Variants in CAMTA1 observed in about 807,000 individuals in gnomAD.
The protein encoded by CAMTA1 is calmodulin binding transcription activator 1.
A neutral mutation model predicts 170.9 loss-of-function variants in CAMTA1; 27 were observed. The ratio of observed to expected loss-of-function variants is 0.16; its 90% CI spans 0.12 to 0.22. The LOEUF (loss-of-function observed/expected upper bound fraction) is 0.22. CAMTA1 is among the 10% of genes least tolerant of loss of function. CAMTA1 has a pLI of 1.00. For synonymous variants in CAMTA1, 833 were observed against 891.5 expected (o/e 0.93, Z 1.17); for missense variants, 1,619 against 2,217.2 (o/e 0.73, Z 5.42).
rs1245242166 is a variant in CAMTA1, at chr1:7,065,741, TGACTGC to T, written c.235-25562_235-25557del. Among the ~76,000 whole-genome samples, 2 of 152,198 alleles carry T rather than the reference TGACTGC, an allele frequency of 1.3e-5. No individual in the cohort carries two copies. Among genetic ancestry groups the T allele is most frequent in the African/African-American group, 4.8e-5 (2 of 41,444 alleles). ...GGTGGAAGCCCTAGGTCAAAATATCTGACTGCAGAAAAGACCAGTCAGGGAAATAAT... is the reference window on the plus strand; with the variant it reads ...GGTGGAAGCCCTAGGTCAAAATATCTAGAAAAGACCAGTCAGGGAAATAAT... On this transcript the variant is annotated intron_variant, in intron 3 of 22. Coordinates refer to ENST00000303635, the MANE Select transcript of CAMTA1 (RefSeq NM_015215.4). This position sits in a 1 kb window ranked among gnomAD's most constrained non-coding sequence, Gnocchi z 5.2.
intron 3 of CAMTA1, among the ~76,000 whole-genome samples, chr1:6,847,526 C>T (rs749741050): frequency 3.3e-4 from 50 of 150,866 alleles, no homozygotes; most frequent in Non-Finnish European, 4.7e-4. Context: ...ATGTATGCCA[C>T]GTTGCGTTTA....
chr1:6,897,929 CTAAGA>C (rs1224077971), intron 3 of CAMTA1, among the ~76,000 whole-genome samples: 1 of 152,122 alleles, frequency 6.6e-6, no homozygotes, highest in Non-Finnish European at 1.5e-5. Context: ...CTTTTCATGG[CTAAGA>C]TATTTGCAGA....
Position 7,316,541 on chromosome 1 carries a change from C to T in CAMTA1, c.438+66915C>T, listed in dbSNP as rs138655389. On this transcript the variant is annotated intron_variant, in intron 5 of 22. Transcript: ENST00000303635. Reference sequence around the variant, plus strand: ...ATTGCTGTTGCTGATGTTATTGTTGCTTGTACCATTCATAGAATCCTTTCC... The same window carrying T: ...ATTGCTGTTGCTGATGTTATTGTTGTTTGTACCATTCATAGAATCCTTTCC... Among the ~76,000 whole-genome samples, 569 of 152,282 alleles carry T rather than the reference C, an allele frequency of 3.7e-3. 8 individuals carry two copies. Among genetic ancestry groups the T allele is most frequent in the Admixed American group, 0.024 (374 of 15,304 alleles).
intron 3 of CAMTA1, among the ~76,000 whole-genome samples, chr1:7,006,657 C>T (rs1699041901): frequency 6.6e-6 from 1 of 152,308 alleles, no homozygotes; most frequent in African/African-American, 2.4e-5. Context: ...CATGAATCAT[C>T]CCTGGGGCAC....
chr1:7,057,280 C>T (rs556309638), intron 3 of CAMTA1, among the ~76,000 whole-genome samples: 1 of 152,328 alleles, frequency 6.6e-6, no homozygotes, highest in African/African-American at 2.4e-5. Flanking sequence ...CGTCCCGGTT[C>T]CCCTGGGTCC....
intron 5 of CAMTA1, among the ~76,000 whole-genome samples, chr1:7,310,698 CTCTCTTTCTTTCTT>C (rs1325855428): frequency 1.9e-5 from 1 of 52,652 alleles, no homozygotes; most frequent in African/African-American, 1.0e-4. Flanking sequence ...CTCTCTCTCT[CTCTCTTTCTTTCTT>C]TCTTTCTTTC....
chr1:6,899,179 G>T (rs1676320701), intron 3 of CAMTA1, among the ~76,000 whole-genome samples: 1 of 152,208 alleles, frequency 6.6e-6, no homozygotes, highest in African/African-American at 2.4e-5. Flanking sequence ...TCACTGCTGT[G>T]TGATGGCTGA....
chr1:7,349,362 C>T (rs991370254), intron 5 of CAMTA1, among the ~76,000 whole-genome samples: 7 of 152,156 alleles, frequency 4.6e-5, no homozygotes, highest in Admixed American at 2.0e-4. Flanking sequence ...CACCTCTAGC[C>T]GCTTTCTGGG....
At chr1:7,011,179 T>A (rs1699725149) in intron 3 of CAMTA1, among the ~76,000 whole-genome samples, 1 of 152,332 alleles carries the variant, frequency 6.6e-6, no homozygotes, top group South Asian at 2.1e-4. Flanking sequence ...GATTCAGTGT[T>A]CCAGTTTGGA....
At chr1:7,082,510 C>G (rs1013722388) in intron 3 of CAMTA1, among the ~76,000 whole-genome samples, 6 of 151,672 alleles carry the variant, frequency 4.0e-5, no homozygotes, top group African/African-American at 1.5e-4. Flanking sequence ...CTTTGTGTGG[C>G]TCCCATCTAC....
chr1:7,654,847 C>T (rs1045501040), intron 7 of CAMTA1, among the ~76,000 whole-genome samples: 12 of 139,838 alleles, frequency 8.6e-5, no homozygotes, highest in African/African-American at 3.3e-4. Context: ...CGAACACACC[C>T]ACCTGTACAC....
chr1:7,346,774 CCCT>C (rs2084255822), intron 5 of CAMTA1, among the ~76,000 whole-genome samples: 1 of 152,150 alleles, frequency 6.6e-6, no homozygotes, highest in Admixed American at 6.5e-5. Flanking sequence ...TTGGTTCTGC[CCCT>C]CCTCCTGGGT....
At chr1:7,163,162 C>G (rs556558254) in intron 4 of CAMTA1, among the ~76,000 whole-genome samples, 2 of 151,684 alleles carry the variant, frequency 1.3e-5, no homozygotes, top group Admixed American at 6.6e-5. Flanking sequence ...CTGCTCAGCC[C>G]GAGAATGACT....
At chr1:7,312,305 A>G (rs1676845632) in intron 5 of CAMTA1, among the ~76,000 whole-genome samples, 1 of 152,026 alleles carries the variant, frequency 6.6e-6, no homozygotes, top group South Asian at 2.1e-4. Context: ...AATGGATAAA[A>G]GAAAAAAAAA....
intron 6 of CAMTA1, among the ~76,000 whole-genome samples, chr1:7,480,967 C>T (rs1219080196): frequency 1.3e-5 from 2 of 152,196 alleles, no homozygotes; most frequent in African/African-American, 4.8e-5. Context: ...ACTGCTCTTC[C>T]TCCTGCCTTA....
At chr1:7,368,083 G>A (rs1323747647) in intron 5 of CAMTA1, among the ~76,000 whole-genome samples, 3 of 150,890 alleles carry the variant, frequency 2.0e-5, no homozygotes, top group Non-Finnish European at 4.4e-5. Flanking sequence ...GGGCACTCAT[G>A]GTTTCACTGG....
intron 6 of CAMTA1, among the ~76,000 whole-genome samples, chr1:7,568,524 C>G (rs2095076473): frequency 6.8e-6 from 1 of 147,832 alleles, no homozygotes; most frequent in South Asian, 2.2e-4. Context: ...CACCAACAAC[C>G]ATCATCAGCA....
chr1:7,391,789 C>T lies in CAMTA1; in HGVS notation c.439-76041C>T, dbSNP rs1024496727. Reference sequence around the variant, plus strand: ...GTGGCCTTTTGAGTCTGGCTTCTTTCGCCAGACATAATGATCCTGAGATTT... The same window carrying T: ...GTGGCCTTTTGAGTCTGGCTTCTTTTGCCAGACATAATGATCCTGAGATTT... On this transcript the variant is annotated intron_variant, in intron 5 of 22. Transcript: ENST00000303635. 2.6e-5 allele frequency among the ~76,000 whole-genome samples: 4 copies of T among 152,256 alleles called. No individual in the cohort carries two copies. The East Asian group carries it at 5.8e-4, about 22-fold the overall frequency.
chr1:7,518,561 G>A (rs978810061), intron 6 of CAMTA1, among the ~76,000 whole-genome samples: 2 of 151,936 alleles, frequency 1.3e-5, no homozygotes, highest in African/African-American at 4.9e-5. Context: ...GCGTGTTGTC[G>A]GGCCGCCTTG....
Sources: allele counts gnomAD v4.1 joint callset (sites outside exome capture counted in the v4.1 genomes callset), GRCh38; gene constraint gnomAD v4.1.1; non-coding constraint Gnocchi (gnomAD v3.1); transcripts MANE v1.5; gene names NCBI Gene and HGNC (gene_info 2026-07-23, HGNC 2026-07-21).